Variants in EDIL3 observed in about 807,000 individuals in gnomAD.
EDIL3 encodes the protein EGF like and discoidin domains 3.
EDIL3 carries 37 observed loss-of-function variants against 67.4 expected under a neutral mutation model. The observed-to-expected ratio is 0.55, with a 90% confidence interval of 0.42 to 0.72. EDIL3 has a LOEUF of 0.72. Among genes scored for constraint, EDIL3 ranks in the 30% least tolerant of loss-of-function variants. The pLI, the probability that EDIL3 is intolerant of heterozygous loss-of-function variation, is 0.00. For synonymous variants in EDIL3, 195 were observed against 196.3 expected, an observed-to-expected ratio of 0.99 and a Z score of 0.05; for missense variants, 527 against 586.3, an observed-to-expected ratio of 0.90 and a Z score of 1.04.
chr5:84,025,174 A>T (rs181701698), intron 9 of EDIL3, among the ~76,000 whole-genome samples: 1 of 152,272 alleles, frequency 6.6e-6, no homozygotes, highest in East Asian at 1.9e-4. Flanking sequence ...CTCTCTAAAC[A>T]TCAGCTTCTT....
At chr5:84,258,764 G>A (rs1745169199) in intron 1 of EDIL3, among the ~76,000 whole-genome samples, 1 of 152,044 alleles carries the variant, frequency 6.6e-6, no homozygotes, top group Non-Finnish European at 1.5e-5. Flanking sequence ...GATGTGGGTT[G>A]ATACCTTAAG....
Position 84,231,687 on chromosome 5 carries a change from T to C in EDIL3, c.197-1803A>G, listed in dbSNP as rs1326407899. ...AAAGAAATGGAGAGAGCAAACACAG[T>C]TGGCATGCATGGCGCAGAGAACATA... On this transcript the variant is annotated intron_variant, in intron 2 of 10. Transcript: ENST00000296591. Among the ~76,000 whole-genome samples the C allele has an allele frequency of 2.0e-5, 3 of 152,190 alleles. No individual in the cohort carries two copies. The South Asian group carries it at 6.2e-4, about 32-fold the overall frequency.
rs115907002 is a variant in EDIL3 at position 84,201,915 on chromosome 5, G to A, written c.227-21394C>T. Among the ~76,000 whole-genome samples the A allele has an allele frequency of 7.1e-3, 1,073 of 152,100 alleles. 11 individuals carry two copies. The highest frequency in any genetic ancestry group is 0.025 in the African/African-American group (1,026 of 41,488). On this transcript the variant is annotated intron_variant, in intron 3 of 10. Transcript: ENST00000296591. Reference sequence around the variant, plus strand: ...TAACGTGGTATGTAGACAATGACAGGCATTAGAAGAAGTACATAGATTTTA... The same window carrying A: ...TAACGTGGTATGTAGACAATGACAGACATTAGAAGAAGTACATAGATTTTA...
chr5:84,248,103 T>A (rs1194157760), intron 2 of EDIL3, among the ~76,000 whole-genome samples: 1 of 152,142 alleles, frequency 6.6e-6, no homozygotes, highest in Non-Finnish European at 1.5e-5. Context: ...GATAGATGAA[T>A]GAGTAAGCAA....
intron 1 of EDIL3, among the ~76,000 whole-genome samples, chr5:84,286,639 T>A (rs1745812136): frequency 6.6e-6 from 1 of 152,338 alleles, no homozygotes; most frequent in East Asian, 1.9e-4. Flanking sequence ...GCCATGATTT[T>A]ACTTTTTGTA....
At chr5:84,133,639 T>G (rs951851918) in intron 5 of EDIL3, among the ~76,000 whole-genome samples, 40 of 151,264 alleles carry the variant, frequency 2.6e-4, no homozygotes, top group African/African-American at 9.7e-4. Context: ...AATAAAGAAA[T>G]AAATAAATAA....
At chr5:84,299,551 A>G (rs896247134) in intron 1 of EDIL3, among the ~76,000 whole-genome samples, 19 of 152,230 alleles carry the variant, frequency 1.2e-4, no homozygotes, top group African/African-American at 4.1e-4. Flanking sequence ...TCTTTTCTCT[A>G]ACTTTTAAAT....
At chr5:84,209,281 C>T (rs962053568) in intron 3 of EDIL3, among the ~76,000 whole-genome samples, 6 of 151,846 alleles carry the variant, frequency 4.0e-5, no homozygotes, top group Admixed American at 6.6e-5. Context: ...TGCTAAATGA[C>T]GAGTTAATGG....
chr5:84,154,408 T>C (rs958551625), intron 4 of EDIL3, among the ~76,000 whole-genome samples: 3 of 152,064 alleles, frequency 2.0e-5, no homozygotes, highest in African/African-American at 4.8e-5. Context: ...TTAATTATTG[T>C]AGAATCAAGT....
At chr5:84,028,254 G>C (rs1394446393) in intron 9 of EDIL3, among the ~76,000 whole-genome samples, 1 of 151,860 alleles carries the variant, frequency 6.6e-6, no homozygotes, top group Non-Finnish European at 1.5e-5. Flanking sequence ...TTCCTAACTG[G>C]TCTTCCTGTC....
At chr5:84,287,387 C>T (rs1561246035) in intron 1 of EDIL3, among the ~76,000 whole-genome samples, 1 of 152,106 alleles carries the variant, frequency 6.6e-6, no homozygotes, top group African/African-American at 2.4e-5. Flanking sequence ...TCATCGTCAG[C>T]AGGACTGAGT....
chr5:84,282,999 G>A lies in EDIL3; in HGVS notation c.68-28787C>T, dbSNP rs771719347. The stretch of plus-strand genomic sequence containing the variant: ...TTGAAATTACCTGATCAAATGTTAC[G>A]TAGGAAATATAAAAGGGTATAAATA... On this transcript the variant is annotated intron_variant, in intron 1 of 10. Transcript: ENST00000296591. Among the ~76,000 whole-genome samples the A allele has an allele frequency of 5.9e-5, 9 of 151,710 alleles. No homozygotes were observed. The East Asian group carries it at 7.7e-4, about 13-fold the overall frequency.
intron 1 of EDIL3, among the ~76,000 whole-genome samples, chr5:84,324,119 C>T (rs72780534): frequency 0.086 from 13,090 of 151,876 alleles, 741 homozygotes; most frequent in South Asian, 0.2. Context: ...CATGTACATT[C>T]TCCTCACATC....
At chr5:84,009,274 G>A (rs1745477995) in intron 9 of EDIL3, among the ~76,000 whole-genome samples, 1 of 152,138 alleles carries the variant, frequency 6.6e-6, no homozygotes, top group African/African-American at 2.4e-5. Context: ...TTTGTAGCAT[G>A]TTATGCAAAC....
intron 1 of EDIL3, among the ~76,000 whole-genome samples, chr5:84,351,562 G>A (rs1454591052): frequency 6.6e-6 from 1 of 152,184 alleles, no homozygotes; most frequent in East Asian, 1.9e-4. Context: ...ATCAAAAGGA[G>A]ATGATACTAA....
intron 3 of EDIL3, among the ~76,000 whole-genome samples, chr5:84,213,723 A>C (rs991847441): frequency 1.9e-4 from 29 of 152,186 alleles, no homozygotes; most frequent in African/African-American, 6.8e-4. Context: ...TCAAATAAAT[A>C]TATTTTCTTA....
chr5:84,327,192 T>C (rs933097735), intron 1 of EDIL3, among the ~76,000 whole-genome samples: 2 of 152,018 alleles, frequency 1.3e-5, no homozygotes, highest in African/African-American at 4.8e-5. Flanking sequence ...GTAGCCAAAA[T>C]GAGGTACAAT....
chr5:84,205,976 G>A (rs1295202635), intron 3 of EDIL3, among the ~76,000 whole-genome samples: 1 of 151,910 alleles, frequency 6.6e-6, no homozygotes, highest in East Asian at 1.9e-4. Flanking sequence ...GTTTGCTCTT[G>A]CTTTTCTAGC....
intron 2 of EDIL3, among the ~76,000 whole-genome samples, chr5:84,234,865 G>A (rs1229587252): frequency 6.6e-6 from 1 of 151,948 alleles, no homozygotes; most frequent in Non-Finnish European, 1.5e-5. Context: ...ATTGTATTCT[G>A]ACAATATTTT....
Sources: gnomAD v4.1 joint callset for allele counts (sites outside exome capture counted in the v4.1 genomes callset) on GRCh38, gnomAD v4.1.1 for gene constraint, MANE v1.5 for transcripts, NCBI Gene and HGNC (gene_info 2026-07-23, HGNC 2026-07-21) for gene names.